Variants in MN1 observed in about 807,000 individuals in gnomAD.
The protein encoded by MN1 is MN1 proto-oncogene, transcriptional regulator.
A neutral mutation model predicts 86.9 loss-of-function variants in MN1; 19 were observed. That is an observed-to-expected ratio of 0.22 (90% CI 0.15 to 0.32). The LOEUF is 0.32. MN1 is among the 10% of genes least tolerant of loss of function. MN1 has a pLI of 1.00. For missense variants in MN1, 1,841 were observed against 1,862.0 expected, an observed-to-expected ratio of 0.99 and a Z score of 0.21; for synonymous variants, 928 against 849.6, an observed-to-expected ratio of 1.09 and a Z score of -1.60.
At chr22:27,769,179 C>T (rs1932893722) in intron 1 of MN1, among the ~76,000 whole-genome samples, 1 of 152,154 alleles carries the variant, frequency 6.6e-6, no homozygotes, top group Non-Finnish European at 1.5e-5. Flanking sequence ...CCATGGCAGA[C>T]ATTGCTAATC....
chr22:27,777,009 G>A (rs1051798948), intron 1 of MN1, among the ~76,000 whole-genome samples: 3 of 152,156 alleles, frequency 2.0e-5, no homozygotes, highest in Non-Finnish European at 4.4e-5. Flanking sequence ...AAAAGTTTTT[G>A]CCTTGGTCTT....
chr22:27,793,133 T>C (rs911505051), intron 1 of MN1, among the ~76,000 whole-genome samples: 2 of 152,168 alleles, frequency 1.3e-5, no homozygotes, highest in Non-Finnish European at 2.9e-5. Flanking sequence ...AAGACTGCCC[T>C]GGGTTTCAAG....
intron 1 of MN1, among the ~76,000 whole-genome samples, chr22:27,755,237 G>A (rs1330982150): frequency 6.6e-6 from 1 of 152,172 alleles, no homozygotes; most frequent in Non-Finnish European, 1.5e-5. Flanking sequence ...TGCAACTTGG[G>A]GGTGGTGATT....
rs754655567 is a variant in MN1, at chr22:27,800,551, G to A, written c.-8C>T. The A allele has an allele frequency of 9.3e-6, 15 of 1,613,708 alleles. No homozygotes were observed. The South Asian group carries it at 1.3e-4, about 14-fold the overall frequency. On this transcript the variant is annotated 5_prime_UTR_variant, in exon 1 of 2. Coordinates refer to ENST00000302326, the MANE Select transcript of MN1 (RefSeq NM_002430.3). ...TTGGTCCAGCCCAAACATACTTGGC[G>A]GGGGGCAGAGGGGGATCAATAGGGC...
In MN1 at chr22:27,797,832, C is replaced by A. The variant is rs781190591; in HGVS notation, c.2712G>T (p.Ser904=). 9.5e-6 allele frequency: 15 copies of A among 1,578,270 alleles called. No homozygotes were observed. The South Asian group carries it at 1.7e-4, about 18-fold the overall frequency. The part of the protein sequence containing the change: ...SGTSSSGSKA[S]GPPNPPAQGD... ...CCTGGGCTGGAGGGTTGGGCGGCCC[C>A]GAGGCTTTGGAGCCGCTGCTACTGG... The change falls in exon 1 of 2, where the codon TCG becomes TCT. Residue 904 remains serine (S), a synonymous_variant. Coordinates refer to ENST00000302326, the MANE Select transcript of MN1 (RefSeq NM_002430.3).
chr22:27,772,235 A>C (rs943416067), intron 1 of MN1, among the ~76,000 whole-genome samples: 1 of 152,146 alleles, frequency 6.6e-6, no homozygotes, highest in African/African-American at 2.4e-5. Context: ...GGCTGGGCCA[A>C]CTCAGCCCTT....
Position 27,763,497 on chromosome 22 carries a change from A to T in MN1, c.3782-12401T>A, listed in dbSNP as rs117091494. Reference sequence around the variant, plus strand: ...CTGTTGGGTTGTGTGACCCTGGATCAGCCACTTTGATGCCTCCACTGCCTC... The same window carrying T: ...CTGTTGGGTTGTGTGACCCTGGATCTGCCACTTTGATGCCTCCACTGCCTC... On this transcript the variant is annotated intron_variant, in intron 1 of 1. Transcript: ENST00000302326. Among the ~76,000 whole-genome samples the T allele has an allele frequency of 3.6e-3, 542 of 152,336 alleles. 22 individuals carry two copies. In the East Asian group the frequency reaches 0.086, roughly 24 times the overall value.
Position 27,749,320 on chromosome 22 carries a change from C to CT in MN1, c.*1594dup, listed in dbSNP as rs1230093690. On this transcript the variant is annotated 3_prime_UTR_variant, in exon 2 of 2. Coordinates refer to ENST00000302326, the MANE Select transcript of MN1 (RefSeq NM_002430.3). ...TTTAGAAAGCCCAGATCTGCAAACT[C>CT]TGAGGACCTGGAGGGGGTGGGGGAG... 10 of 232,204 alleles carry CT rather than the reference C, an allele frequency of 4.3e-5. No homozygotes were observed. Among genetic ancestry groups the CT allele is most frequent in the African/African-American group, 6.6e-5 (3 of 45,268 alleles). 14.4% of individuals were successfully genotyped at this position (232,204 alleles called of 1,614,324 possible).
chr22:27,764,007 A>G (rs1445384151), intron 1 of MN1, among the ~76,000 whole-genome samples: 1 of 152,102 alleles, frequency 6.6e-6, no homozygotes, highest in East Asian at 1.9e-4. Flanking sequence ...AAAGCAAGAG[A>G]CTGGCCCAGG....
chr22:27,752,652 T>C (rs759641013), intron 1 of MN1, among the ~76,000 whole-genome samples: 4 of 152,246 alleles, frequency 2.6e-5, no homozygotes, highest in Non-Finnish European at 5.9e-5. Context: ...TCCTGAGACC[T>C]GCCATATGTC....
chr22:27,784,326 T>C (rs2146308466), intron 1 of MN1, among the ~76,000 whole-genome samples: 1 of 152,242 alleles, frequency 6.6e-6, no homozygotes, highest in South Asian at 2.1e-4. Context: ...AACACCCCCA[T>C]ATCCACCCAA....
chr22:27,762,977 G>C (rs1236221754), intron 1 of MN1, among the ~76,000 whole-genome samples: 1 of 152,104 alleles, frequency 6.6e-6, no homozygotes, highest in African/African-American at 2.4e-5. Context: ...GCATGGTGGT[G>C]TGTGCCTATG....
chr22:27,764,211 C>G (rs1434760194), intron 1 of MN1, among the ~76,000 whole-genome samples: 1 of 152,232 alleles, frequency 6.6e-6, no homozygotes, highest in Non-Finnish European at 1.5e-5. Context: ...CCTCATCCAT[C>G]TAACCTTGCC....
At chr22:27,785,056 C>CCACACACACACACACACACACACA (rs57257445) in intron 1 of MN1, among the ~76,000 whole-genome samples, 9 of 144,832 alleles carry the variant, frequency 6.2e-5, no homozygotes, top group African/African-American at 2.1e-4. Context: ...CTGGCATCCG[C>CCACACACACACACACACACACACA]CACACACACA....
chr22:27,799,070 G>C lies in MN1; in HGVS notation c.1474C>G (p.Pro492Ala). Residue 492 changes from proline to alanine, a missense_variant, in exon 1 of 2, where the codon CCA (proline) becomes GCA (alanine). By Grantham distance (27) the Pro-to-Ala change is conservative. Coordinates refer to ENST00000302326, the MANE Select transcript of MN1 (RefSeq NM_002430.3). Reference protein sequence around the residue: ...LDNHLSPSAYPGLPGEFTPPV... With the variant: ...LDNHLSPSAYAGLPGEFTPPV... ...GGTGTGAACTCGCCGGGTAGGCCTGGGTAGGCGGAAGGGGAGAGGTGATTA... is the reference window on the plus strand; with the variant it reads ...GGTGTGAACTCGCCGGGTAGGCCTGCGTAGGCGGAAGGGGAGAGGTGATTA... The C allele has an allele frequency of 6.2e-7, 1 of 1,609,702 alleles. No individual in the cohort carries two copies. Among genetic ancestry groups the C allele is most frequent in the Non-Finnish European group, 8.5e-7 (1 of 1,177,318 alleles).
At chr22:27,756,868 A>C (rs561521133) in intron 1 of MN1, among the ~76,000 whole-genome samples, 171 of 152,158 alleles carry the variant, frequency 1.1e-3, no homozygotes, top group African/African-American at 4.0e-3. Flanking sequence ...CAATCCTCCC[A>C]CCTCATCCTC....
At position 27,750,677 on chromosome 22, in the gene MN1, A is replaced by T. The variant is rs1018244863; in HGVS notation, c.*238T>A. 5.1e-6 allele frequency: 2 copies of T among 391,072 alleles called. No individual in the cohort carries two copies. The highest frequency in any genetic ancestry group is 4.6e-6 in the Non-Finnish European group (1 of 219,068). The allele number at this position is 391,072 out of a possible 1,614,324, so 24.2% of individuals were successfully genotyped here. A position where few individuals can be genotyped will look rare whatever the true frequency, so the allele number is the denominator to read the frequency against. On this transcript the variant is annotated 3_prime_UTR_variant, in exon 2 of 2. Transcript: ENST00000302326. ...CTGCAGAAGGGTTAACACTGGTAACATACTGTGGCAGACAAGTTTCTTTTT... is the reference window on the plus strand; with the variant it reads ...CTGCAGAAGGGTTAACACTGGTAACTTACTGTGGCAGACAAGTTTCTTTTT...
At chr22:27,774,340 G>C (rs996864135) in intron 1 of MN1, among the ~76,000 whole-genome samples, 1 of 152,164 alleles carries the variant, frequency 6.6e-6, no homozygotes, top group Admixed American at 6.5e-5. Context: ...TCGCCCTGAA[G>C]ACTTGAGGTC....
chr22:27,749,334 G>A lies in MN1; in HGVS notation c.*1581C>T, dbSNP rs554922651. The stretch of plus-strand genomic sequence containing the variant: ...ATCTGCAAACTCTGAGGACCTGGAG[G>A]GGGTGGGGGAGCTCAAAGTGGAGCG... On this transcript the variant is annotated 3_prime_UTR_variant, in exon 2 of 2. Transcript: ENST00000302326. 3 of 232,132 alleles carry A rather than the reference G, an allele frequency of 1.3e-5. No individual in the cohort carries two copies. The highest frequency in any genetic ancestry group is 2.6e-5 in the Non-Finnish European group (3 of 117,448). 14.4% of individuals were successfully genotyped at this position (232,132 alleles called of 1,614,324 possible).
Sources: gnomAD v4.1 joint callset for allele counts (sites outside exome capture counted in the v4.1 genomes callset) on GRCh38, gnomAD v4.1.1 for gene constraint, MANE v1.5 for transcripts, NCBI Gene and HGNC (gene_info 2026-07-23, HGNC 2026-07-21) for gene names.